SLC12A3: variants seen among roughly 807,000 people sequenced by gnomAD.
SLC12A3 encodes the protein solute carrier family 12 member 3.
Under a neutral mutation model 121.0 loss-of-function variants are expected in SLC12A3, and 104 were observed. That is an observed-to-expected ratio of 0.86 (90% confidence interval 0.73 to 1.01). The LOEUF is 1.01. Among genes scored for constraint, SLC12A3 ranks in the 50% least tolerant of loss-of-function variants. SLC12A3 has a pLI of 0.00. For synonymous variants in SLC12A3, 536 were observed against 533.4 expected, an observed-to-expected ratio of 1.00 and a Z score of -0.07; for missense variants, 1,328 against 1,356.3, an observed-to-expected ratio of 0.98 and a Z score of 0.33.
At chr16:56,890,135 TG>T in intron 18 of SLC12A3, 138 bp from the exon 19 acceptor site, 1 of 725,140 alleles carries the variant, frequency 1.4e-6, no homozygotes, top group Non-Finnish European at 2.5e-6. Context: ...AGGATACAGA[TG>T]GGGAAACTGA....
At chr16:56,897,925 C>A (rs563661250) in intron 22 of SLC12A3, among the ~76,000 whole-genome samples, 7 of 152,256 alleles carry the variant, frequency 4.6e-5, no homozygotes, top group Non-Finnish European at 7.3e-5. Flanking sequence ...CAAAATTTCA[C>A]TCCCCAAGAT....
intron 20 of SLC12A3, among the ~76,000 whole-genome samples, chr16:56,892,439 G>A (rs772846441): frequency 1.6e-4 from 25 of 152,156 alleles, no homozygotes; most frequent in Non-Finnish European, 2.6e-4. Context: ...CTGGGTGACA[G>A]AGTGAGACCC....
intron 18 of SLC12A3, among the ~76,000 whole-genome samples, chr16:56,888,780 G>A (rs951963776): frequency 2.0e-5 from 3 of 151,938 alleles, no homozygotes; most frequent in African/African-American, 4.8e-5. Flanking sequence ...GGATGGTCTC[G>A]ATCTCCTGAC....
intron 21 of SLC12A3, 24 bp from the exon 22 acceptor site, chr16:56,894,507 A>G (rs1350348241): frequency 6.5e-7 from 1 of 1,542,676 alleles, no homozygotes. Flanking sequence ...TCTTGTCATG[A>G]CTCACGGGGA....
chr16:56,913,519 C>T lies in SLC12A3; in HGVS notation c.*114C>T. The T allele has an allele frequency of 9.2e-7, 1 of 1,085,158 alleles. No individual in the cohort carries two copies. The highest frequency in any genetic ancestry group is 1.4e-6 in the Non-Finnish European group (1 of 699,902). The allele number at this position is 1,085,158 out of a possible 1,614,324, so 67.2% of individuals were successfully genotyped here. A position where few individuals can be genotyped will look rare whatever the true frequency, so the allele number is the denominator to read the frequency against. The stretch of plus-strand genomic sequence containing the variant: ...TGTTCTGTTGCACTTTAAGTGGCAG[C>T]ATCTGATGATCTCACCGAAAAAGAT... On this transcript the variant is annotated 3_prime_UTR_variant, in exon 26 of 26. Coordinates refer to ENST00000563236, the MANE Select transcript of SLC12A3 (RefSeq NM_001126108.2).
Position 56,869,731 on chromosome 16 carries a change from C to T in SLC12A3, c.508C>T (p.Leu170=). Residue 170 remains leucine (L), a splice_region_variant and synonymous_variant, in exon 4 of 26, where the codon CTG becomes TTG. Coordinates refer to ENST00000563236, the MANE Select transcript of SLC12A3 (RefSeq NM_001126108.2). The stretch of plus-strand genomic sequence containing the variant: ...TAAGCTTTGGGTGCCCCCTGCAGTC[C>T]TGACCTGGATCATCATCCTGCTGTC... ...PWITAQAGIV[L]TWIIILLSVT... 1 of 1,614,070 alleles carries T rather than the reference C, an allele frequency of 6.2e-7. No homozygotes were observed. The highest frequency in any genetic ancestry group is 2.2e-5 in the East Asian group (1 of 44,874).
intron 1 of SLC12A3, among the ~76,000 whole-genome samples, chr16:56,866,783 T>A (rs1203383254): frequency 1.3e-5 from 2 of 152,128 alleles, no homozygotes; most frequent in African/African-American, 4.8e-5. Context: ...ATTTTTGTAT[T>A]TCTTAGTAGA....
chr16:56,887,044 C>A lies in SLC12A3; in HGVS notation c.2129C>A (p.Ser710Ter), dbSNP rs546999572. 5 of 1,613,882 alleles carry A rather than the reference C, an allele frequency of 3.1e-6. No individual in the cohort carries two copies. In the East Asian group the frequency reaches 8.9e-5, roughly 29 times the overall value. Residue 710 changes from serine to a stop codon, truncating the protein, a stop_gained, in exon 17 of 26, where the codon TCG becomes TAG. Transcript: ENST00000563236. LOFTEE classifies it high-confidence loss of function. ...LNKRKIKAFY[S>*]DVIAEDLRRG... ...AAGAGGAAGATCAAGGCCTTCTACTCGGATGTCATTGCCGAGGACCTCCGC... is the reference window on the plus strand; with the variant it reads ...AAGAGGAAGATCAAGGCCTTCTACTAGGATGTCATTGCCGAGGACCTCCGC...
intron 20 of SLC12A3, 32 bp downstream of exon 20, chr16:56,892,165 G>C (rs770372753): frequency 6.2e-7 from 1 of 1,610,944 alleles, no homozygotes; most frequent in Non-Finnish European, 8.5e-7. Context: ...GCGCTTGTCA[G>C]TGTTCCCACT....
intron 9 of SLC12A3, among the ~76,000 whole-genome samples, 175 bp downstream of exon 9, chr16:56,878,336 C>T (rs1214376214): frequency 1.3e-5 from 2 of 152,074 alleles, no homozygotes; most frequent in Non-Finnish European, 2.9e-5. Flanking sequence ...GAACCTATCT[C>T]TGGGGTATCT....
chr16:56,886,000 C>T (rs879364066), intron 15 of SLC12A3, among the ~76,000 whole-genome samples: 13 of 152,166 alleles, frequency 8.5e-5, no homozygotes, highest in Non-Finnish European at 1.6e-4. Flanking sequence ...TGCTACCTCT[C>T]GACGCAGAGG....
intron 2 of SLC12A3, among the ~76,000 whole-genome samples, chr16:56,867,618 G>A (rs1465204194): frequency 6.6e-6 from 1 of 152,212 alleles, no homozygotes; most frequent in Non-Finnish European, 1.5e-5. Context: ...GCCCTGCTCC[G>A]GGAGGCAGGA....
At chr16:56,894,257 G>C (rs976096180) in intron 21 of SLC12A3, among the ~76,000 whole-genome samples, 1 of 152,010 alleles carries the variant, frequency 6.6e-6, no homozygotes, top group African/African-American at 2.4e-5. Flanking sequence ...CACCTGCCTC[G>C]GCCTCCCATA....
In SLC12A3 at chr16:56,882,405, A is replaced by G; in HGVS notation, c.1577A>G (p.Asn526Ser). Residue 526 changes from asparagine to serine, a missense_variant, in exon 13 of 26, where the codon AAC (asparagine) becomes AGC (serine). Physicochemically the swap from Asn to Ser is conservative, Grantham distance 46. Coordinates refer to ENST00000563236, the MANE Select transcript of SLC12A3 (RefSeq NM_001126108.2). ...AVAFIIIAEL[N>S]TIAPIISNFF... ...CCCTGGGTCCCCGAAGCTGAGCTCA[A>G]CACCATAGCCCCCATCATTTCCAAC... The G allele has an allele frequency of 2.5e-6, 4 of 1,614,008 alleles. No homozygotes were observed. The highest frequency in any genetic ancestry group is 3.4e-6 in the Non-Finnish European group (4 of 1,179,880).
intron 18 of SLC12A3, among the ~76,000 whole-genome samples, 178 bp downstream of exon 18, chr16:56,888,209 T>C (rs562001764): frequency 3.3e-5 from 5 of 152,112 alleles, no homozygotes; most frequent in Admixed American, 3.3e-4. Flanking sequence ...AGCCCAGGAG[T>C]TGAAGGCTGC....
intron 19 of SLC12A3, among the ~76,000 whole-genome samples, chr16:56,891,371 C>CAA (rs35706137): frequency 0.089 from 6,525 of 73,408 alleles, 322 homozygotes; most frequent in East Asian, 0.21. Context: ...GACCCTGTCT[C>CAA]AAAAAAAAAA....
chr16:56,887,129 G>T, intron 17 of SLC12A3, 36 bp downstream of exon 17: 1 of 1,613,340 alleles, frequency 6.2e-7, no homozygotes, highest in Non-Finnish European at 8.5e-7. Flanking sequence ...CAGGACTTAC[G>T]GCTTGGTGGC....
chr16:56,885,230 C>T (rs1173230032), intron 14 of SLC12A3, 35 bp from the exon 15 acceptor site: 1 of 1,252,264 alleles, frequency 8.0e-7, no homozygotes, highest in Non-Finnish European at 1.1e-6. Context: ...ATTCCTAACT[C>T]TGCTCTCACC....
intron 9 of SLC12A3, among the ~76,000 whole-genome samples, chr16:56,878,687 T>A (rs1342477704): frequency 1.3e-5 from 2 of 151,968 alleles, no homozygotes; most frequent in Non-Finnish European, 2.9e-5. Context: ...TGAACTGAGA[T>A]CCTCACAGAT....
Sources: allele counts gnomAD v4.1 joint callset (sites outside exome capture counted in the v4.1 genomes callset), GRCh38; gene constraint gnomAD v4.1.1; transcripts MANE v1.5; gene names NCBI Gene and HGNC (gene_info 2026-07-23, HGNC 2026-07-21).